SFI1: variants seen among roughly 807,000 people sequenced by gnomAD.
SFI1 encodes the protein SFI1 centrin binding protein.
SFI1 carries 195 observed loss-of-function variants against 207.5 expected under a neutral mutation model. That is an observed-to-expected ratio of 0.94 (90% CI 0.84 to 1.06). The LOEUF is 1.06. Ranked by LOEUF, SFI1 falls within the 50% of genes least tolerant of loss-of-function variation. The probability of loss-of-function intolerance (pLI) is 0.00; values close to 1 mark genes in which losing one functional copy is unlikely to be tolerated. For missense variants in SFI1, 1,634 were observed against 1,588.0 expected (o/e 1.03, Z -0.49); for synonymous variants, 630 against 598.9 (o/e 1.05, Z -0.76).
rs551452469 is a variant in SFI1 at position 31,503,297 on chromosome 22, C to T, written c.-30-4958C>T. ...CATCTAGCTACCAGAATTTTGGAAG[C>T]GGGACAGCAGAAGTGGCGTGAATAC... On this transcript the variant is annotated intron_variant, in intron 1 of 32. Coordinates refer to ENST00000400288, the MANE Select transcript of SFI1 (RefSeq NM_001007467.3). Among the ~76,000 whole-genome samples, 6 of 152,092 alleles carry T rather than the reference C, an allele frequency of 3.9e-5. No homozygotes were observed. In the East Asian group the frequency reaches 7.7e-4, roughly 20 times the overall value.
In SFI1 at chr22:31,611,128, T is replaced by G. The variant is rs746761915; in HGVS notation, c.2255-15T>G. ...ATCCCACAAAACAGCAAACTCTGAC[T>G]TGGATCTGCCTTAGGCTGTCTGCGG... is the stretch of plus-strand genomic sequence containing the variant. On this transcript the variant is annotated splice_polypyrimidine_tract_variant and intron_variant, in intron 22 of 32. Transcript: ENST00000400288. 7.8e-5 allele frequency: 126 copies of G among 1,614,062 alleles called. No homozygotes were observed. The highest frequency in any genetic ancestry group is 1.1e-4 in the Non-Finnish European group (126 of 1,180,048).
intron 4 of SFI1, among the ~76,000 whole-genome samples, chr22:31,541,837 T>G (rs1602389848): frequency 6.6e-6 from 1 of 151,028 alleles, no homozygotes; most frequent in Non-Finnish European, 1.5e-5. Flanking sequence ...GCATAGTGGC[T>G]CACGCCTGTA....
At chr22:31,585,761 T>A (rs531132804) in intron 14 of SFI1, among the ~76,000 whole-genome samples, 6 of 152,080 alleles carry the variant, frequency 3.9e-5, no homozygotes, top group Admixed American at 6.6e-5. Context: ...CAATTGGGAG[T>A]ACCTGTCTGG....
At chr22:31,573,635 A>G (rs1349221452) in intron 9 of SFI1, among the ~76,000 whole-genome samples, 1 of 151,978 alleles carries the variant, frequency 6.6e-6, no homozygotes, top group African/African-American at 2.4e-5. Context: ...ATGGGGTTTC[A>G]TAACTTTGGC....
At chr22:31,500,635 T>C (rs1314058699) in intron 1 of SFI1, among the ~76,000 whole-genome samples, 3 of 151,880 alleles carry the variant, frequency 2.0e-5, no homozygotes, top group African/African-American at 7.3e-5. Flanking sequence ...TTTTGTGTTT[T>C]TAGTAGAGAC....
chr22:31,585,209 A>G, intron 14 of SFI1, 75 bp downstream of exon 14: 2 of 1,299,186 alleles, frequency 1.5e-6, no homozygotes, highest in Non-Finnish European at 2.2e-6. Flanking sequence ...AGATTCTTGG[A>G]AAAGACCTAT....
chr22:31,533,958 A>G (rs1198557527), intron 4 of SFI1, among the ~76,000 whole-genome samples: 1 of 152,148 alleles, frequency 6.6e-6, no homozygotes, highest in African/African-American at 2.4e-5. Context: ...GTGTATTTTC[A>G]TTCAAATACA....
intron 2 of SFI1, among the ~76,000 whole-genome samples, chr22:31,509,750 A>G (rs1167705955): frequency 6.6e-6 from 1 of 152,098 alleles, no homozygotes; most frequent in Non-Finnish European, 1.5e-5. Flanking sequence ...TTGGTTTGCT[A>G]CTATTTTTTG....
intron 2 of SFI1, among the ~76,000 whole-genome samples, chr22:31,510,866 T>C (rs2055393336): frequency 6.6e-6 from 1 of 152,204 alleles, no homozygotes; most frequent in African/African-American, 2.4e-5. Context: ...GAAGGGTCAG[T>C]GGTAAATGTC....
chr22:31,527,450 A>G (rs1389282328), intron 2 of SFI1, among the ~76,000 whole-genome samples: 1 of 152,210 alleles, frequency 6.6e-6, no homozygotes, highest in East Asian at 1.9e-4. Flanking sequence ...ACAAAATCTA[A>G]GAGACTGATT....
At chr22:31,593,855 C>T (rs1326943653) in intron 15 of SFI1, among the ~76,000 whole-genome samples, 3 of 148,160 alleles carry the variant, frequency 2.0e-5, no homozygotes, top group African/African-American at 7.4e-5. Context: ...CGTGGCGGCG[C>T]GTGCCTGCAA....
At chr22:31,548,500 G>A (rs945034229) in intron 5 of SFI1, among the ~76,000 whole-genome samples, 23 of 150,736 alleles carry the variant, frequency 1.5e-4, no homozygotes, top group African/African-American at 4.4e-4. Context: ...AAAATTAGCC[G>A]GGCATGGCGG....
chr22:31,527,835 C>T (rs995312348), intron 2 of SFI1, among the ~76,000 whole-genome samples: 13 of 151,874 alleles, frequency 8.6e-5, no homozygotes, highest in Non-Finnish European at 1.6e-4. Flanking sequence ...AAAAATTGGC[C>T]GGGAACAGTG....
chr22:31,556,359 C>T (rs1402606859), intron 6 of SFI1, among the ~76,000 whole-genome samples: 2 of 151,834 alleles, frequency 1.3e-5, no homozygotes, highest in Admixed American at 6.6e-5. Context: ...GTAGCTGGGA[C>T]TACAGGCGCA....
rs560463932 is a variant in SFI1 at position 31,589,587 on chromosome 22, G to A, written c.1544+10G>A. 56 of 1,609,000 alleles carry A rather than the reference G, an allele frequency of 3.5e-5. No homozygotes were observed. The South Asian group carries it at 3.8e-4, about 11-fold the overall frequency. On this transcript the variant is annotated intron_variant, in intron 15 of 32. Coordinates refer to ENST00000400288, the MANE Select transcript of SFI1 (RefSeq NM_001007467.3). ...CAACACGTTTCCACAGGTATGTTGC[G>A]CAGCTCCTGTCTGCACTGGGGCAGG...
intron 11 of SFI1, among the ~76,000 whole-genome samples, chr22:31,579,506 G>A (rs533494989): frequency 2.0e-5 from 3 of 152,116 alleles, no homozygotes; most frequent in South Asian, 2.1e-4. Context: ...TAATAGAGAC[G>A]GGGTTTCACC....
At chr22:31,587,475 G>GT in intron 14 of SFI1, 1 of 79,692 alleles carries the variant, frequency 1.3e-5, no homozygotes, top group Non-Finnish European at 2.7e-5. Flanking sequence ...GCTAATGTTT[G>GT]TGTTTTGTTT....
Position 31,607,064 on chromosome 22 carries a change from AAAAAG to A in SFI1, c.2157+649_2157+653del, listed in dbSNP as rs372043303. Among the ~76,000 whole-genome samples the A allele has an allele frequency of 3.3e-3, 495 of 152,122 alleles. 2 individuals carry two copies. Among genetic ancestry groups the A allele is most frequent in the Middle Eastern group, 3.4e-3 (1 of 294 alleles). Reference sequence around the variant, plus strand: ...GACAACAGAGCAAGGTTGTCTCAAAAAAAAGAAAAGAAAAGAAAAAATACCCGAAG... The same window carrying A: ...GACAACAGAGCAAGGTTGTCTCAAAAAAAAGAAAAGAAAAAATACCCGAAG... On this transcript the variant is annotated intron_variant, in intron 21 of 32. Coordinates refer to ENST00000400288, the MANE Select transcript of SFI1 (RefSeq NM_001007467.3).
Position 31,613,215 on chromosome 22 carries a change from A to G in SFI1, c.2564A>G (p.Lys855Arg). Reference sequence around the variant, plus strand: ...TTCTGGGCCTTCTCGCTGCAGGCAAAGGTAATTGGGGCTCTGCATCCTACC... The same window carrying G: ...TTCTGGGCCTTCTCGCTGCAGGCAAGGGTAATTGGGGCTCTGCATCCTACC... ...LWFWAFSLQAKVWATWLAFVL... is the reference protein window; with the variant it reads ...LWFWAFSLQARVWATWLAFVL... The change falls in exon 25 of 33, where the codon AAG (lysine) becomes AGG (arginine). Residue 855 changes from lysine (K) to arginine (R), a missense_variant and splice_region_variant. Coordinates refer to ENST00000400288, the MANE Select transcript of SFI1 (RefSeq NM_001007467.3). 6.2e-7 allele frequency: 1 copy of G among 1,613,710 alleles called. No homozygotes were observed. Among genetic ancestry groups the G allele is most frequent in the Non-Finnish European group, 8.5e-7 (1 of 1,180,000 alleles).
Sources: allele counts gnomAD v4.1 joint callset (sites outside exome capture counted in the v4.1 genomes callset), GRCh38; gene constraint gnomAD v4.1.1; transcripts MANE v1.5; gene names NCBI Gene and HGNC (gene_info 2026-07-23, HGNC 2026-07-21).